The following DNAH3 variants were observed in gnomAD, a reference collection of about 807,000 sequenced individuals.
DNAH3 encodes axonemal beta dynein heavy chain 3.
A neutral mutation model predicts 432.5 loss-of-function variants in DNAH3; 332 were observed. That is an observed-to-expected ratio of 0.77 (90% CI 0.70 to 0.84). DNAH3 has a LOEUF of 0.84. Ranked by LOEUF, DNAH3 falls within the 40% of genes least tolerant of loss-of-function variation. The probability of loss-of-function intolerance (pLI) is 0.00; values close to 1 mark genes in which losing one functional copy is unlikely to be tolerated. For synonymous variants in DNAH3, 1,956 were observed against 1,900.2 expected (o/e 1.03, Z -0.76); for missense variants, 4,861 against 5,114.0 (o/e 0.95, Z 1.51).
intron 51 of DNAH3, among the ~76,000 whole-genome samples, chr16:20,970,235 GCTT>G (rs952310817): frequency 6.6e-5 from 10 of 152,120 alleles, no homozygotes; most frequent in African/African-American, 2.4e-4. Context: ...CAACTTATTT[GCTT>G]TTTTGGCCAG....
chr16:20,944,350 G>A, intron 58 of DNAH3, 146 bp downstream of exon 58: 1 of 867,204 alleles, frequency 1.2e-6, no homozygotes, highest in Non-Finnish European at 1.8e-6. Flanking sequence ...CCGGCAGTAA[G>A]GCCACAGTGC....
chr16:21,115,802 G>C (rs1459213091), intron 12 of DNAH3, among the ~76,000 whole-genome samples: 1 of 151,740 alleles, frequency 6.6e-6, no homozygotes, highest in Non-Finnish European at 1.5e-5. Flanking sequence ...GTGTCTAAGA[G>C]TCCATGAATA....
In DNAH3 at chr16:21,134,267, C is replaced by T. The variant is rs1429219287; in HGVS notation, c.1074G>A (p.Trp358Ter). Residue 358 changes from tryptophan (W) to a stop codon, truncating the protein, a stop_gained, in exon 7 of 62, where the codon TGG becomes TGA. Coordinates refer to ENST00000261383, the Ensembl canonical transcript of DNAH3. LOFTEE classifies it high-confidence loss of function. ...AGGGAGGGACTTCTTACTCTGCAAA[C>T]CACAGTTCTTTCAGCCTGAGCATCA... The T allele has an allele frequency of 1.2e-6, 2 of 1,610,666 alleles. No homozygotes were observed. The highest frequency in any genetic ancestry group is 3.4e-5 in the Admixed American group (2 of 59,118).
exon 56 of DNAH3, chr16:20,952,485 C>T: frequency 2.5e-6 from 4 of 1,613,652 alleles, no homozygotes; most frequent in Non-Finnish European, 3.4e-6. Flanking sequence ...CATTGAGAAA[C>T]ATCTGGATCT....
intron 48 of DNAH3, among the ~76,000 whole-genome samples, chr16:20,983,503 G>C (rs546752678): frequency 6.6e-6 from 1 of 152,106 alleles, no homozygotes; most frequent in Admixed American, 6.6e-5. Context: ...AGTGTGGCTG[G>C]AGCCCTTTGA....
At chr16:21,073,885 A>T (rs911140403) in intron 21 of DNAH3, among the ~76,000 whole-genome samples, 1 of 152,134 alleles carries the variant, frequency 6.6e-6, no homozygotes, top group Non-Finnish European at 1.5e-5. Flanking sequence ...AGGTCTTGCT[A>T]GGCTTCCCAT....
intron 1 of DNAH3, among the ~76,000 whole-genome samples, chr16:21,148,731 A>G (rs977061710): frequency 1.3e-5 from 2 of 152,204 alleles, no homozygotes; most frequent in African/African-American, 2.4e-5. Flanking sequence ...ACAAACAGTC[A>G]TAAGTACGCT....
intron 53 of DNAH3, among the ~76,000 whole-genome samples, chr16:20,961,084 C>A (rs2084797187): frequency 6.6e-6 from 1 of 152,116 alleles, no homozygotes; most frequent in African/African-American, 2.4e-5. Context: ...AAAACCTACA[C>A]GAGGAAGTAC....
chr16:20,994,724 G>A (rs775039159), intron 44 of DNAH3, among the ~76,000 whole-genome samples: 2 of 151,878 alleles, frequency 1.3e-5, no homozygotes, highest in East Asian at 1.9e-4. Context: ...TGAGTACCTC[G>A]TATAAGTGGA....
At chr16:20,971,448 A>G (rs368175057) in intron 51 of DNAH3, among the ~76,000 whole-genome samples, 1 of 152,296 alleles carries the variant, frequency 6.6e-6, no homozygotes, top group African/African-American at 2.4e-5. Context: ...TGAAAGGTCC[A>G]GGAAGGGATT....
chr16:20,982,528 T>C (rs1312766667), intron 49 of DNAH3, among the ~76,000 whole-genome samples, 193 bp downstream of exon 49: 1 of 152,212 alleles, frequency 6.6e-6, no homozygotes, highest in African/African-American at 2.4e-5. Flanking sequence ...AGGACAATTC[T>C]GAACAATGAA....
intron 21 of DNAH3, among the ~76,000 whole-genome samples, chr16:21,073,124 C>A (rs745704930): frequency 6.6e-6 from 1 of 152,140 alleles, no homozygotes; most frequent in Non-Finnish European, 1.5e-5. Context: ...GTCTTTCTCG[C>A]TCTGTTCTCA....
chr16:21,137,333 A>G (rs2092657560), intron 5 of DNAH3, among the ~76,000 whole-genome samples: 1 of 151,708 alleles, frequency 6.6e-6, no homozygotes, highest in African/African-American at 2.4e-5. Context: ...CCTCCTGAAC[A>G]GCAATGATCT....
At chr16:21,146,361 G>A (rs1165316573) in intron 1 of DNAH3, among the ~76,000 whole-genome samples, 1 of 152,152 alleles carries the variant, frequency 6.6e-6, no homozygotes, top group East Asian at 1.9e-4. Context: ...TTCGAGACCA[G>A]CCTGACCAAT....
At chr16:20,960,596 G>C (rs1340914647) in intron 53 of DNAH3, among the ~76,000 whole-genome samples, 1 of 152,190 alleles carries the variant, frequency 6.6e-6, no homozygotes, top group East Asian at 1.9e-4. Flanking sequence ...GAGCTACTCG[G>C]GAGGCTGAGG....
At chr16:20,937,914 C>T (rs946893426) in intron 59 of DNAH3, among the ~76,000 whole-genome samples, 5 of 152,140 alleles carry the variant, frequency 3.3e-5, no homozygotes, top group African/African-American at 1.2e-4. Context: ...CTGCCTCTCC[C>T]TCTGACCTTT....
intron 55 of DNAH3, among the ~76,000 whole-genome samples, chr16:20,953,306 G>A (rs113411001): frequency 1.6e-4 from 24 of 151,806 alleles, no homozygotes; most frequent in Non-Finnish European, 2.6e-4. Context: ...TTACAGGCAC[G>A]TGCCACCACG....
chr16:20,977,470 A>G (rs1686339872), intron 50 of DNAH3, among the ~76,000 whole-genome samples: 1 of 151,276 alleles, frequency 6.6e-6, no homozygotes, highest in African/African-American at 2.4e-5. Context: ...CTCACTGGTC[A>G]TGATTCTGCC....
At chr16:21,018,867 C>A (rs1296829074) in intron 41 of DNAH3, among the ~76,000 whole-genome samples, 1 of 151,242 alleles carries the variant, frequency 6.6e-6, no homozygotes, top group African/African-American at 2.4e-5. Flanking sequence ...TATACTCCAG[C>A]AGGAGCAAGA....
Sources: gnomAD v4.1 joint callset for allele counts (sites outside exome capture counted in the v4.1 genomes callset) on GRCh38, gnomAD v4.1.1 for gene constraint, MANE v1.5 for transcripts, NCBI Gene and HGNC (gene_info 2026-07-23, HGNC 2026-07-21) for gene names.